The following MMP16 variants were observed in gnomAD, a reference collection of about 807,000 sequenced individuals.
The protein encoded by MMP16 is matrix metalloproteinase-16.
MMP16 carries 12 observed loss-of-function variants against 67.8 expected under a neutral mutation model. The observed-to-expected ratio is 0.18, with a 90% confidence interval of 0.11 to 0.29. The LOEUF is 0.29. Among genes scored for constraint, MMP16 ranks in the 10% least tolerant of loss-of-function variants. MMP16 has a pLI of 1.00. For synonymous variants in MMP16, 249 were observed against 255.9 expected (o/e 0.97, Z 0.26); for missense variants, 475 against 765.7 (o/e 0.62, Z 4.48).
At chr8:88,175,838 A>G (rs34765997) in intron 3 of MMP16, among the ~76,000 whole-genome samples, 33,559 of 151,930 alleles carry the variant, frequency 0.22, 3,859 homozygotes, top group Non-Finnish European at 0.25. Flanking sequence ...TGTGATAGTG[A>G]ATATGTCTCA....
At chr8:88,095,700 T>C (rs909995649) in intron 6 of MMP16, among the ~76,000 whole-genome samples, 3 of 151,946 alleles carry the variant, frequency 2.0e-5, no homozygotes, top group South Asian at 2.1e-4. Flanking sequence ...AATCCATGCC[T>C]GATTATCTAA....
chr8:88,183,722 T>TA, intron 3 of MMP16, among the ~76,000 whole-genome samples: 1 of 141,206 alleles, frequency 7.1e-6, no homozygotes. Context: ...CTTTTTTTTT[T>TA]TTTTTTTTTT....
intron 7 of MMP16, among the ~76,000 whole-genome samples, 185 bp from the exon 8 acceptor site, chr8:88,056,463 G>T (rs1380981745): frequency 1.3e-5 from 2 of 150,580 alleles, no homozygotes; most frequent in Non-Finnish European, 3.0e-5. Context: ...TGTTATCTTT[G>T]AAATATCATT....
At chr8:88,239,226 C>G (rs531248536) in intron 1 of MMP16, among the ~76,000 whole-genome samples, 4 of 129,584 alleles carry the variant, frequency 3.1e-5, no homozygotes, top group African/African-American at 1.2e-4. Flanking sequence ...ACCCAGGAAA[C>G]GGAGGTTGCA....
At chr8:88,302,395 T>G (rs1811117263) in intron 1 of MMP16, among the ~76,000 whole-genome samples, 1 of 152,202 alleles carries the variant, frequency 6.6e-6, no homozygotes, top group African/African-American at 2.4e-5. Flanking sequence ...GTCACACTAG[T>G]GCAGAACTCT....
At chr8:88,106,298 A>G (rs997381955) in intron 6 of MMP16, among the ~76,000 whole-genome samples, 2 of 151,178 alleles carry the variant, frequency 1.3e-5, no homozygotes, top group Non-Finnish European at 3.0e-5. Context: ...GCATGGTTTA[A>G]AAATTGCTCT....
rs1264422472 is a variant in MMP16 at position 88,093,698 on chromosome 8, C to T, written c.1084-18955G>A. Among the ~76,000 whole-genome samples the T allele has an allele frequency of 2.0e-5, 3 of 151,760 alleles. 1 individual carries two copies. The South Asian group carries it at 6.3e-4, about 32-fold the overall frequency. On this transcript the variant is annotated intron_variant, in intron 6 of 9. Transcript: ENST00000286614. ...TGATGGATGATATTTTAAAATAACC[C>T]TCAAGCAGCATTTTTAATAGCACAG...
chr8:88,128,751 G>C (rs1326657062), intron 4 of MMP16, among the ~76,000 whole-genome samples: 1 of 151,674 alleles, frequency 6.6e-6, no homozygotes, highest in Admixed American at 6.6e-5. Context: ...TCTATACTTA[G>C]TAAAACCAAT....
At chr8:88,113,690 A>G (rs1280058334) in intron 6 of MMP16, among the ~76,000 whole-genome samples, 1 of 151,892 alleles carries the variant, frequency 6.6e-6, no homozygotes, top group East Asian at 1.9e-4. Flanking sequence ...ACAGAATTCC[A>G]GGCTCTGTCC....
At chr8:88,236,755 CAACA>C (rs1376369575) in intron 1 of MMP16, among the ~76,000 whole-genome samples, 5 of 90,484 alleles carry the variant, frequency 5.5e-5, no homozygotes, top group Non-Finnish European at 7.6e-5. Flanking sequence ...AAAATAACAA[CAACA>C]AACAGAAGAC....
chr8:88,197,534 A>T (rs899749691), intron 1 of MMP16, among the ~76,000 whole-genome samples: 8 of 152,106 alleles, frequency 5.3e-5, no homozygotes, highest in Non-Finnish European at 8.8e-5. Flanking sequence ...AATGTTAATT[A>T]AAAAAAGAGT....
intron 4 of MMP16, among the ~76,000 whole-genome samples, chr8:88,158,359 C>T (rs909742329): frequency 1.2e-4 from 18 of 152,120 alleles, no homozygotes; most frequent in African/African-American, 4.1e-4. Flanking sequence ...CTAATGATCG[C>T]CATTTTAAGT....
intron 1 of MMP16, among the ~76,000 whole-genome samples, chr8:88,221,163 C>A (rs1336299691): frequency 2.6e-5 from 4 of 152,040 alleles, no homozygotes; most frequent in African/African-American, 7.2e-5. Context: ...TGACAGTCTG[C>A]CCAATAAATG....
chr8:88,043,114 C>T (rs1808153514), intron 9 of MMP16, among the ~76,000 whole-genome samples: 1 of 152,132 alleles, frequency 6.6e-6, no homozygotes, highest in African/African-American at 2.4e-5. Context: ...TTTAAATCCT[C>T]ACAAATACTC....
At chr8:88,311,054 A>G (rs1232515546) in intron 1 of MMP16, among the ~76,000 whole-genome samples, 1 of 152,206 alleles carries the variant, frequency 6.6e-6, no homozygotes, top group Non-Finnish European at 1.5e-5. Flanking sequence ...TACTGTGATT[A>G]TAATTATATT....
At chr8:88,231,199 A>G (rs907329722) in intron 1 of MMP16, among the ~76,000 whole-genome samples, 5 of 152,200 alleles carry the variant, frequency 3.3e-5, no homozygotes, top group Non-Finnish European at 7.3e-5. Context: ...ATAAAATGGA[A>G]TCAATAAAGA....
intron 1 of MMP16, among the ~76,000 whole-genome samples, chr8:88,259,541 A>G (rs1810354687): frequency 6.6e-6 from 1 of 152,070 alleles, no homozygotes; most frequent in Non-Finnish European, 1.5e-5. Flanking sequence ...GGGAAATGTG[A>G]TATGTACAGA....
intron 4 of MMP16, among the ~76,000 whole-genome samples, chr8:88,141,346 TAAGA>T (rs1808207466): frequency 6.6e-6 from 1 of 152,132 alleles, no homozygotes; most frequent in South Asian, 2.1e-4. Flanking sequence ...CTTTCAGTAT[TAAGA>T]AAGTATATAA....
intron 1 of MMP16, among the ~76,000 whole-genome samples, chr8:88,285,415 T>C (rs766302437): frequency 1.8e-4 from 28 of 152,098 alleles, no homozygotes; most frequent in Non-Finnish European, 1.3e-4. Flanking sequence ...GCTGGGATTA[T>C]AGTTGTGAGC....
Sources: allele counts gnomAD v4.1 joint callset (sites outside exome capture counted in the v4.1 genomes callset), GRCh38; gene constraint gnomAD v4.1.1; transcripts MANE v1.5; gene names NCBI Gene and HGNC (gene_info 2026-07-23, HGNC 2026-07-21).